The following ISCU variants were observed in gnomAD, a reference collection of about 807,000 sequenced individuals.
The protein encoded by ISCU is iron-sulfur cluster assembly enzyme ISCU.
In ISCU, 13 loss-of-function variants were observed where a neutral mutation model predicts 18.4. That is an observed-to-expected ratio of 0.71 (90% confidence interval 0.46 to 1.12). The LOEUF (loss-of-function observed/expected upper bound fraction) is 1.12, where lower values mean the gene tolerates loss of function less well. Among genes scored for constraint, ISCU ranks in the 50% most tolerant of loss-of-function variants. The pLI, the probability that ISCU is intolerant of heterozygous loss-of-function variation, is 0.00. For synonymous variants in ISCU, 104 were observed against 87.5 expected (o/e 1.19, Z -1.06); for missense variants, 229 against 208.7 (o/e 1.10, Z -0.60).
chr12:108,562,589 T>C (rs756771400), upstream of ISCU: 20 of 1,257,926 alleles, frequency 1.6e-5, 1 homozygote, highest in South Asian at 1.1e-4. Flanking sequence ...CCCCTCGGCG[T>C]CGCTCTGGAC....
chr12:108,562,510 A>C, upstream of ISCU: 5 of 555,882 alleles, frequency 9.0e-6, no homozygotes, highest in Non-Finnish European at 1.4e-5. Context: ...GGTAAAGCGC[A>C]GGCGCAAAGC....
chr12:108,567,476 C>T, intron 4 of ISCU: 1 of 718,518 alleles, frequency 1.4e-6, no homozygotes, highest in Non-Finnish European at 2.4e-6. Context: ...AGGTATGCAC[C>T]AGCCATCATA....
Position 108,562,614 on chromosome 12 carries a change from G to A in ISCU, c.-9G>A, listed in dbSNP as rs963241259. ...TCGCTCTGGACTGGCGCAGGCGCAA[G>A]CCGGCAAGATGGCGGCGGCTGGGGC... On this transcript the variant is annotated 5_prime_UTR_variant, in exon 1 of 5. Transcript: ENST00000311893. 9 of 1,447,274 alleles carry A rather than the reference G, an allele frequency of 6.2e-6. No individual in the cohort carries two copies. Among genetic ancestry groups the A allele is most frequent in the Middle Eastern group, 2.2e-4 (1 of 4,510 alleles). The allele number at this position is 1,447,274 out of a possible 1,614,324, so 89.7% of individuals were successfully genotyped here.
At position 108,569,125 on chromosome 12, in the gene ISCU, GCCTTAA is replaced by G; in HGVS notation, c.*213_*218del. On this transcript the variant is annotated 3_prime_UTR_variant, in exon 5 of 5. Transcript: ENST00000311893. ...TGGTTTCTTTCAGCCCACTTTTATC[GCCTTAA>G]CCTAGTTAATGTATATTTTGAATTG... The G allele has an allele frequency of 1.7e-6, 1 of 584,650 alleles. No homozygotes were observed. The highest frequency in any genetic ancestry group is 3.0e-6 in the Non-Finnish European group (1 of 327,878). The allele number at this position is 584,650 out of a possible 1,614,324, so 36.2% of individuals were successfully genotyped here. A position where few individuals can be genotyped will look rare whatever the true frequency, so the allele number is the denominator to read the frequency against.
chr12:108,568,399 A>G (rs2030999437), intron 4 of ISCU: 1 of 1,090,970 alleles, frequency 9.2e-7, no homozygotes, highest in Admixed American at 4.8e-5. Context: ...CTTTTTTCCA[A>G]AGGGCATGTC....
In ISCU at chr12:108,562,843, C is replaced by T. The variant is rs914614403; in HGVS notation, c.114+107C>T. On this transcript the variant is annotated intron_variant, in intron 1 of 4. Coordinates refer to ENST00000311893, the MANE Select transcript of ISCU (RefSeq NM_213595.4). Reference sequence around the variant, plus strand: ...TAGGACTGGGAGCTGTCCCCTCCCACGTCTTTGCCCTGACTCGCTTTCCCT... The same window carrying T: ...TAGGACTGGGAGCTGTCCCCTCCCATGTCTTTGCCCTGACTCGCTTTCCCT... 1.6e-5 allele frequency: 8 copies of T among 512,974 alleles called. No homozygotes were observed. In the East Asian group the frequency reaches 2.8e-4, roughly 18 times the overall value. 31.8% of individuals were successfully genotyped at this position (512,974 alleles called of 1,614,324 possible).
At chr12:108,562,942 C>T in intron 1 of ISCU, 1 of 391,316 alleles carries the variant, frequency 2.6e-6, no homozygotes, top group Non-Finnish European at 4.5e-6. Flanking sequence ...CCAGGGGGCC[C>T]CGCCGCTGGC....
Position 108,568,970 on chromosome 12 carries a change from GT to G in ISCU, c.*55del, listed in dbSNP as rs1299369714. 1 of 1,473,532 alleles carries G rather than the reference GT, an allele frequency of 6.8e-7. No individual in the cohort carries two copies. The highest frequency in any genetic ancestry group is 9.4e-7 in the Non-Finnish European group (1 of 1,066,390). 91.3% of individuals were successfully genotyped at this position (1,473,532 alleles called of 1,614,324 possible). A position where few individuals can be genotyped will look rare whatever the true frequency, so the allele number is the denominator to read the frequency against. ...CCACACCAGCTGTTTCCCACCTGCT[GT>G]GCAGTCACCTTAGATGTTCAGAAGC... On this transcript the variant is annotated 3_prime_UTR_variant, in exon 5 of 5. Transcript: ENST00000311893.
chr12:108,568,271 AG>A, intron 4 of ISCU: 1 of 1,153,220 alleles, frequency 8.7e-7, no homozygotes, highest in Admixed American at 4.3e-5. Flanking sequence ...CAGCTCTCTC[AG>A]TTTTTATTTT....
In ISCU at chr12:108,568,047, G is replaced by T; in HGVS notation, c.418+779G>T. ...ACTCACAGCAGAAGAGCCAGGTGCCGGGGCAGACACACTAACTCATTCTTC... is the reference window on the plus strand; with the variant it reads ...ACTCACAGCAGAAGAGCCAGGTGCCTGGGCAGACACACTAACTCATTCTTC... On this transcript the variant is annotated intron_variant, in intron 4 of 4. Coordinates refer to ENST00000311893, the MANE Select transcript of ISCU (RefSeq NM_213595.4). 4 of 1,484,984 alleles carry T rather than the reference G, an allele frequency of 2.7e-6. No individual in the cohort carries two copies. The South Asian group carries it at 3.9e-5, about 14-fold the overall frequency. The allele number at this position is 1,484,984 out of a possible 1,614,324, so 92.0% of individuals were successfully genotyped here. A position where few individuals can be genotyped will look rare whatever the true frequency, so the allele number is the denominator to read the frequency against.
intron 4 of ISCU, 128 bp from the exon 5 acceptor site, chr12:108,568,703 G>A: frequency 6.6e-7 from 1 of 1,520,630 alleles, no homozygotes; most frequent in South Asian, 1.2e-5. Context: ...CCTCACCCCA[G>A]CTTTCTGGCT....
intron 1 of ISCU, 38 bp from the exon 2 acceptor site, chr12:108,564,241 G>C: frequency 6.3e-7 from 1 of 1,575,146 alleles, no homozygotes; most frequent in Non-Finnish European, 8.7e-7. Flanking sequence ...AGTACCAATA[G>C]AGAGTGAACA....
chr12:108,567,595 C>A, intron 4 of ISCU: 3 of 1,348,076 alleles, frequency 2.2e-6, no homozygotes, highest in South Asian at 1.2e-5. Context: ...TGGGTTGAGA[C>A]GCCCACATCA....
upstream of ISCU, among the ~76,000 whole-genome samples, chr12:108,562,237 AC>A (rs1351187315): frequency 6.6e-6 from 1 of 152,198 alleles, no homozygotes; most frequent in Non-Finnish European, 1.5e-5. Flanking sequence ...GACTTACTAA[AC>A]TGCCCTGAAT....
Position 108,564,312 on chromosome 12 carries a change from G to A in ISCU, c.148G>A (p.Gly50Arg). 1 of 1,614,066 alleles carries A rather than the reference G, an allele frequency of 6.2e-7. No homozygotes were observed. The highest frequency in any genetic ancestry group is 8.5e-7 in the Non-Finnish European group (1 of 1,179,958). The change falls in exon 2 of 5, where the codon GGG becomes AGG. Residue 50 changes from glycine to arginine, a missense_variant. By Grantham distance (125) the Gly-to-Arg change is moderately radical (BLOSUM62 -2). Coordinates refer to ENST00000311893, the MANE Select transcript of ISCU (RefSeq NM_213595.4). The stretch of plus-strand genomic sequence containing the variant: ...TCATTATGAAAATCCTAGAAACGTG[G>A]GGTCCCTTGACAAGACATCTAAAAA... The part of the protein sequence containing the change: ...VDHYENPRNV[G>R]SLDKTSKNVG...
In ISCU at chr12:108,562,742, G is replaced by T; in HGVS notation, c.114+6G>T. ...CCCGACTCTATCACAAGAAGGTAGG[G>T]ACAAAAGAGGGACGCGCGGAATGCC... On this transcript the variant is annotated splice_donor_region_variant and intron_variant, in intron 1 of 4. Transcript: ENST00000311893. 1.5e-6 allele frequency: 2 copies of T among 1,295,016 alleles called. No individual in the cohort carries two copies. The highest frequency in any genetic ancestry group is 3.0e-5 in the South Asian group (2 of 66,060). 80.2% of individuals were successfully genotyped at this position (1,295,016 alleles called of 1,614,324 possible). A position where few individuals can be genotyped will look rare whatever the true frequency, so the allele number is the denominator to read the frequency against.
intron 2 of ISCU, among the ~76,000 whole-genome samples, chr12:108,564,622 A>G (rs1381618220): frequency 6.6e-6 from 1 of 152,214 alleles, no homozygotes; most frequent in Non-Finnish European, 1.5e-5. Context: ...CAAAATAGAA[A>G]AGTAATCTCA....
chr12:108,567,172 T>C lies in ISCU; in HGVS notation c.340-18T>C. On this transcript the variant is annotated intron_variant, in intron 3 of 4. Transcript: ENST00000311893. ...AAAGTGTTGCTAAAACTGCCCATCT[T>C]TCCATTATGCCTCTCAGGTGGAGGA... is the stretch of plus-strand genomic sequence containing the variant. 6.2e-7 allele frequency: 1 copy of C among 1,603,504 alleles called. No individual in the cohort carries two copies. The highest frequency in any genetic ancestry group is 8.5e-7 in the Non-Finnish European group (1 of 1,170,688).
At chr12:108,567,883 A>C (rs1237761507) in intron 4 of ISCU, 18 of 1,435,386 alleles carry the variant, frequency 1.3e-5, no homozygotes, top group Non-Finnish European at 1.7e-5. Context: ...TCTGTATTAA[A>C]TCTAATGCTT....
Sources: gnomAD v4.1 joint callset for allele counts (sites outside exome capture counted in the v4.1 genomes callset) on GRCh38, gnomAD v4.1.1 for gene constraint, MANE v1.5 for transcripts, NCBI Gene and HGNC (gene_info 2026-07-23, HGNC 2026-07-21) for gene names.